COL28A1: variants seen among roughly 807,000 people sequenced by gnomAD.
COL28A1 encodes collagen alpha-1(XXVIII) chain.
In COL28A1, 161 loss-of-function variants were observed where a neutral mutation model predicts 150.2. The observed-to-expected ratio is 1.07, with a 90% CI of 0.94 to 1.22. COL28A1 has a LOEUF of 1.22. Ranked by LOEUF, COL28A1 falls within the 50% of genes most tolerant of loss-of-function variation. The probability of loss-of-function intolerance (pLI) is 0.00; values close to 1 mark genes in which losing one functional copy is unlikely to be tolerated. For missense variants in COL28A1, 1,617 were observed against 1,388.3 expected (o/e 1.16, Z -2.62); for synonymous variants, 552 against 469.7 (o/e 1.18, Z -2.26).
intron 27 of COL28A1, among the ~76,000 whole-genome samples, chr7:7,389,006 C>G (rs1247816775): frequency 2.6e-5 from 4 of 152,130 alleles, no homozygotes; most frequent in African/African-American, 9.7e-5. Context: ...TTTATTAGAT[C>G]CCATTTGTCA....
chr7:7,543,597 G>C, the COL28A1 span, among the ~76,000 whole-genome samples: 1 of 152,038 alleles, frequency 6.6e-6, no homozygotes. Flanking sequence ...GTTGCAAAGA[G>C]AAACACAAAT....
the COL28A1 span, among the ~76,000 whole-genome samples, chr7:7,348,643 CTCTTTTT>C: frequency 6.6e-6 from 1 of 151,548 alleles, no homozygotes; most frequent in Non-Finnish European, 1.5e-5. Flanking sequence ...TTAGTTTCTG[CTCTTTTT>C]TTTTTATTAT....
chr7:7,400,186 C>T (rs1456838903), intron 27 of COL28A1, among the ~76,000 whole-genome samples: 1 of 152,178 alleles, frequency 6.6e-6, no homozygotes, highest in Non-Finnish European at 1.5e-5. Context: ...TCCAGGTCCC[C>T]ATCCCTGGAA....
At chr7:7,381,439 G>C (rs1781865396) in intron 28 of COL28A1, 105 bp downstream of exon 28, 1 of 759,972 alleles carries the variant, frequency 1.3e-6, no homozygotes, top group Non-Finnish European at 2.2e-6. Flanking sequence ...TCTTCTGAGA[G>C]TTGTAAGGGG....
intron 27 of COL28A1, among the ~76,000 whole-genome samples, chr7:7,405,038 C>T (rs1419500441): frequency 1.3e-5 from 2 of 152,154 alleles, no homozygotes; most frequent in African/African-American, 4.8e-5. Flanking sequence ...CATGTGCTAC[C>T]ATGCCCAGCT....
intron 3 of COL28A1, among the ~76,000 whole-genome samples, chr7:7,529,474 A>T (rs1040029036): frequency 1.1e-4 from 16 of 152,170 alleles, no homozygotes; most frequent in African/African-American, 3.9e-4. Context: ...AAACAAGCTG[A>T]AATCACAGAT....
At chr7:7,471,323 T>A (rs1486828966) in intron 15 of COL28A1, among the ~76,000 whole-genome samples, 1 of 152,066 alleles carries the variant, frequency 6.6e-6, no homozygotes, top group African/African-American at 2.4e-5. Context: ...CTATTGACAC[T>A]ATTCCACAAG....
At chr7:7,515,628 A>G (rs1781374274) in intron 8 of COL28A1, among the ~76,000 whole-genome samples, 186 bp downstream of exon 8, 1 of 152,130 alleles carries the variant, frequency 6.6e-6, no homozygotes, top group Non-Finnish European at 1.5e-5. Context: ...GAATCATGGT[A>G]CCCTCCATCC....
chr7:7,368,705 C>T (rs1439087344), intron 33 of COL28A1, among the ~76,000 whole-genome samples: 1 of 152,140 alleles, frequency 6.6e-6, no homozygotes, highest in Non-Finnish European at 1.5e-5. Context: ...GGTGGCTGTT[C>T]ACAAGCCAGA....
At chr7:7,402,108 A>G (rs1055429971) in intron 27 of COL28A1, among the ~76,000 whole-genome samples, 4 of 152,242 alleles carry the variant, frequency 2.6e-5, no homozygotes, top group African/African-American at 2.4e-5. Context: ...AGTTGCCCTA[A>G]GTCTTCCTTT....
chr7:7,364,909 C>T (rs1272392718), intron 33 of COL28A1, among the ~76,000 whole-genome samples: 1 of 152,134 alleles, frequency 6.6e-6, no homozygotes, highest in Non-Finnish European at 1.5e-5. Context: ...CTTTCTGTTA[C>T]ACTCGTCTTC....
chr7:7,510,284 T>C (rs1476223223), intron 9 of COL28A1, among the ~76,000 whole-genome samples: 1 of 152,040 alleles, frequency 6.6e-6, no homozygotes, highest in Non-Finnish European at 1.5e-5. Flanking sequence ...TATTGATTGA[T>C]TGATTGATTG....
the COL28A1 span, among the ~76,000 whole-genome samples, chr7:7,346,644 G>T: frequency 6.6e-6 from 1 of 151,944 alleles, no homozygotes; most frequent in Non-Finnish European, 1.5e-5. Flanking sequence ...TGATACCATT[G>T]AATTTCCTAT....
In COL28A1 at chr7:7,417,783, T is replaced by G. The variant is rs58942552; in HGVS notation, c.2136+76A>C. On this transcript the variant is annotated intron_variant, in intron 27 of 34. Transcript: ENST00000399429. Reference sequence around the variant, plus strand: ...AAATCTATTTCATAATAGCCATTTTTGCGTTATCTACAACCTCTTCTCCCA... The same window carrying G: ...AAATCTATTTCATAATAGCCATTTTGGCGTTATCTACAACCTCTTCTCCCA... The G allele has an allele frequency of 1.9e-3, 2,322 of 1,230,522 alleles. 23 individuals carry two copies. In the African/African-American group the frequency reaches 0.029, roughly 16 times the overall value. 76.2% of individuals were successfully genotyped at this position (1,230,522 alleles called of 1,614,324 possible).
intron 6 of COL28A1, 139 bp from the exon 7 acceptor site, chr7:7,517,976 T>C (rs1015970542): frequency 3.3e-5 from 36 of 1,076,998 alleles, no homozygotes; most frequent in Middle Eastern, 2.3e-4. Context: ...ATTTTCACTA[T>C]GCAATCTAGG....
chr7:7,513,698 C>T (rs1407472699), intron 8 of COL28A1, among the ~76,000 whole-genome samples: 14 of 152,070 alleles, frequency 9.2e-5, no homozygotes, highest in Admixed American at 9.2e-4. Flanking sequence ...CAGAAAGTAC[C>T]ATAAATACAC....
intron 1 of COL28A1, among the ~76,000 whole-genome samples, chr7:7,534,586 C>T (rs1782543345): frequency 6.6e-6 from 1 of 152,060 alleles, no homozygotes; most frequent in Non-Finnish European, 1.5e-5. Flanking sequence ...GAACTGAATT[C>T]CATTGAGAAC....
chr7:7,417,902 G>A lies in COL28A1; in HGVS notation c.2093C>T (p.Pro698Leu). 2.5e-6 allele frequency: 4 copies of A among 1,613,478 alleles called. No homozygotes were observed. The highest frequency in any genetic ancestry group is 1.7e-6 in the Non-Finnish European group (2 of 1,179,718). The change falls in exon 27 of 35, where the codon CCT (proline) becomes CTT (leucine). Residue 698 changes from proline (P) to leucine (L), a missense_variant. Pro to Leu is a moderately conservative substitution (Grantham distance 98). Coordinates refer to ENST00000399429, the MANE Select transcript of COL28A1 (RefSeq NM_001037763.3). The part of the protein sequence containing the change: ...PKGDTGQKGL[P>L]GPPGPPGYGS... ...ATAGCCAGGGGGGCCAGGAGGGCCAGGCAAGCCTTTCTGCCCAGTATCACC... is the reference window on the plus strand; with the variant it reads ...ATAGCCAGGGGGGCCAGGAGGGCCAAGCAAGCCTTTCTGCCCAGTATCACC...
intron 30 of COL28A1, among the ~76,000 whole-genome samples, chr7:7,376,350 C>A (rs1260871829): frequency 6.6e-6 from 1 of 152,138 alleles, no homozygotes; most frequent in African/African-American, 2.4e-5. Flanking sequence ...TCTATAATGT[C>A]AAATCGAGGT....
Sources: allele counts gnomAD v4.1 joint callset (sites outside exome capture counted in the v4.1 genomes callset), GRCh38; gene constraint gnomAD v4.1.1; transcripts MANE v1.5; gene names NCBI Gene and HGNC (gene_info 2026-07-23, HGNC 2026-07-21).